Variants in GPRIN3 observed in about 807,000 individuals in gnomAD.
GPRIN3 encodes G protein-regulated inducer of neurite outgrowth 3.
GPRIN3 carries 12 observed loss-of-function variants against 13.7 expected under a neutral mutation model. That is an observed-to-expected ratio of 0.87 (90% CI 0.56 to 1.42). The LOEUF is 1.42. Among genes scored for constraint, GPRIN3 ranks in the 40% most tolerant of loss-of-function variants. The pLI is 0.00. For missense variants in GPRIN3, 1,009 were observed against 958.7 expected (o/e 1.05, Z -0.69); for synonymous variants, 377 against 372.7 (o/e 1.01, Z -0.13).
At chr4:89,267,798 A>G (rs1458574915) in intron 1 of GPRIN3, among the ~76,000 whole-genome samples, 1 of 152,200 alleles carries the variant, frequency 6.6e-6, no homozygotes, top group Non-Finnish European at 1.5e-5. Flanking sequence ...AGGAGGGAGG[A>G]CATTAGAGAA....
chr4:89,285,232 A>G (rs865857451), intron 1 of GPRIN3, among the ~76,000 whole-genome samples: 1 of 152,032 alleles, frequency 6.6e-6, no homozygotes, highest in Non-Finnish European at 1.5e-5. Flanking sequence ...GGGAGGGACA[A>G]CATTAGGAGA....
Position 89,249,036 on chromosome 4 carries a change from G to A in GPRIN3, c.1075C>T (p.Arg359Cys), listed in dbSNP as rs539048508. 3.0e-5 allele frequency: 48 copies of A among 1,614,156 alleles called. No homozygotes were observed. The highest frequency in any genetic ancestry group is 2.5e-4 in the South Asian group (23 of 91,084). Residue 359 changes from arginine (R) to cysteine (C), a missense_variant, in exon 2 of 2, where the codon CGT (arginine) becomes TGT (cysteine). Arg to Cys is a radical substitution (Grantham distance 180). Coordinates refer to ENST00000609438, the MANE Select transcript of GPRIN3 (RefSeq NM_198281.3). ...APEHFEQEQL[R>C]VICHSSGSHT... The stretch of plus-strand genomic sequence containing the variant: ...CTCCCACTGCTGTGGCAAATGACAC[G>A]CAGCTGCTCTTGTTCAAAATGCTCA...
At chr4:89,293,566 G>A (rs1724649563) in intron 1 of GPRIN3, among the ~76,000 whole-genome samples, 1 of 152,242 alleles carries the variant, frequency 6.6e-6, no homozygotes, top group Admixed American at 6.5e-5. Flanking sequence ...GCAGTGAAGA[G>A]TGCCAGTCCC....
chr4:89,256,293 G>A (rs1358862920), intron 1 of GPRIN3, among the ~76,000 whole-genome samples: 1 of 152,090 alleles, frequency 6.6e-6, no homozygotes, highest in Non-Finnish European at 1.5e-5. Context: ...CAATCCAGGG[G>A]CAGCCTAGAT....
At chr4:89,265,248 A>G (rs1423970173) in intron 1 of GPRIN3, among the ~76,000 whole-genome samples, 1 of 152,176 alleles carries the variant, frequency 6.6e-6, no homozygotes, top group Admixed American at 6.5e-5. Flanking sequence ...TTTAATATAA[A>G]GGGATATATA....
chr4:89,248,523 T>C lies in GPRIN3; in HGVS notation c.1588A>G (p.Thr530Ala), dbSNP rs769120919. The stretch of plus-strand genomic sequence containing the variant: ...TTTTCCCTTGCATCTCCTTTATTAG[T>C]GGGATCCAAGCTCCCAGAATGATCA... Reference protein sequence around the residue: ...KADHSGSLDPTNKGDAREKKP... With the variant: ...KADHSGSLDPANKGDAREKKP... Residue 530 changes from threonine (T) to alanine (A), a missense_variant, in exon 2 of 2, where the codon ACT (threonine) becomes GCT (alanine). Coordinates refer to ENST00000609438, the MANE Select transcript of GPRIN3 (RefSeq NM_198281.3). The C allele has an allele frequency of 6.2e-7, 1 of 1,613,264 alleles. No homozygotes were observed. Among genetic ancestry groups the C allele is most frequent in the African/African-American group, 1.3e-5 (1 of 74,882 alleles).
Position 89,285,660 on chromosome 4 carries a change from TTTTAC to T in GPRIN3, c.-124+21950_-124+21954del, listed in dbSNP as rs571140609. ...CTGTTCTGTCACCCAATTCACTTCT[TTTTAC>T]TTTTCCCAAATTTTACTATCTCCTT... is the stretch of plus-strand genomic sequence containing the variant. On this transcript the variant is annotated intron_variant, in intron 1 of 1. Coordinates refer to ENST00000609438, the MANE Select transcript of GPRIN3 (RefSeq NM_198281.3). Among the ~76,000 whole-genome samples, 11 of 152,352 alleles carry T rather than the reference TTTTAC, an allele frequency of 7.2e-5. No individual in the cohort carries two copies. The East Asian group carries it at 2.1e-3, about 29-fold the overall frequency.
At chr4:89,289,403 C>G (rs1444981857) in intron 1 of GPRIN3, among the ~76,000 whole-genome samples, 4 of 152,040 alleles carry the variant, frequency 2.6e-5, no homozygotes, top group Admixed American at 2.0e-4. Context: ...ATTTTGACAG[C>G]TTTTGTCCCT....
chr4:89,280,781 G>C (rs1457035577), intron 1 of GPRIN3, among the ~76,000 whole-genome samples: 1 of 152,198 alleles, frequency 6.6e-6, no homozygotes, highest in Non-Finnish European at 1.5e-5. Context: ...AGCAAGAAGG[G>C]AAGAAAGTCC....
chr4:89,261,948 C>T (rs1040771903), intron 1 of GPRIN3, among the ~76,000 whole-genome samples: 1 of 151,654 alleles, frequency 6.6e-6, no homozygotes, highest in Non-Finnish European at 1.5e-5. Context: ...CCCGTCTCTA[C>T]TAAAAATACA....
Position 89,296,651 on chromosome 4 carries a change from T to TTG in GPRIN3, c.-124+10962_-124+10963dup, listed in dbSNP as rs369210221. Among the ~76,000 whole-genome samples the TTG allele has an allele frequency of 4.4e-3, 674 of 151,838 alleles. 3 individuals are homozygous for TTG. Among genetic ancestry groups the TTG allele is most frequent in the Middle Eastern group, 0.027 (8 of 292 alleles). ...AAGACACATGTTTGTTTTTTCTTGT[T>TTG]TGTGTGTGTGTGTGTGCATATGTAT... On this transcript the variant is annotated intron_variant, in intron 1 of 1. Coordinates refer to ENST00000609438, the MANE Select transcript of GPRIN3 (RefSeq NM_198281.3).
rs1723185948 is a variant in GPRIN3, at chr4:89,248,522, G to C, written c.1589C>G (p.Thr530Ser). The change falls in exon 2 of 2, where the codon ACT (threonine) becomes AGT (serine). Residue 530 changes from threonine (T) to serine (S), a missense_variant. Coordinates refer to ENST00000609438, the MANE Select transcript of GPRIN3 (RefSeq NM_198281.3). Reference sequence around the variant, plus strand: ...CTTTTCCCTTGCATCTCCTTTATTAGTGGGATCCAAGCTCCCAGAATGATC... The same window carrying C: ...CTTTTCCCTTGCATCTCCTTTATTACTGGGATCCAAGCTCCCAGAATGATC... ...KADHSGSLDP[T>S]NKGDAREKKP... The C allele has an allele frequency of 6.2e-7, 1 of 1,613,236 alleles. No individual in the cohort carries two copies. Among genetic ancestry groups the C allele is most frequent in the African/African-American group, 1.3e-5 (1 of 74,860 alleles).
chr4:89,252,428 C>G (rs1216139556), intron 1 of GPRIN3, among the ~76,000 whole-genome samples: 1 of 152,188 alleles, frequency 6.6e-6, no homozygotes, highest in African/African-American at 2.4e-5. Flanking sequence ...CAAATTAACT[C>G]ACTGGCAAAA....
intron 1 of GPRIN3, among the ~76,000 whole-genome samples, chr4:89,266,865 G>GA (rs753253232): frequency 1.2e-4 from 19 of 152,116 alleles, no homozygotes; most frequent in Non-Finnish European, 2.5e-4. Context: ...TAAGTTGAAA[G>GA]AAAAACCTTA....
At position 89,245,992 on chromosome 4, in the gene GPRIN3, C is replaced by G. The variant is rs1723086838; in HGVS notation, c.*1788G>C. ...ACTCTCAGGCTCTGAGAATACTGTT[C>G]CATATATGCAAGCTTTGTCTACAGT... On this transcript the variant is annotated 3_prime_UTR_variant, in exon 2 of 2. Transcript: ENST00000609438. The G allele has an allele frequency of 1.3e-5, 2 of 152,156 alleles. No homozygotes were observed. Among genetic ancestry groups the G allele is most frequent in the African/African-American group, 4.8e-5 (2 of 41,422 alleles). 9.4% of individuals were successfully genotyped at this position (152,156 alleles called of 1,614,324 possible).
intron 1 of GPRIN3, among the ~76,000 whole-genome samples, chr4:89,263,713 T>C (rs1269420340): frequency 6.6e-6 from 1 of 152,188 alleles, no homozygotes; most frequent in Non-Finnish European, 1.5e-5. Context: ...ATTCTGTGTG[T>C]TATTTACGTA....
In GPRIN3 at chr4:89,248,356, A is replaced by G. The variant is rs1471009186; in HGVS notation, c.1755T>C (p.Ile585=). The stretch of plus-strand genomic sequence containing the variant: ...CTAAGGTGCTCTCCTGGTTCTTCCT[A>G]ATTGGGGAGGGTGTAGGATTAGCAG... ...ESAANPTPSP[I]RKNQESTLEE... The change falls in exon 2 of 2, where the codon ATT becomes ATC. Residue 585 remains isoleucine, a synonymous_variant. Coordinates refer to ENST00000609438, the MANE Select transcript of GPRIN3 (RefSeq NM_198281.3). 1.2e-6 allele frequency: 2 copies of G among 1,613,818 alleles called. No homozygotes were observed. Among genetic ancestry groups the G allele is most frequent in the Non-Finnish European group, 1.7e-6 (2 of 1,180,012 alleles).
At chr4:89,262,565 C>G (rs1274795172) in intron 1 of GPRIN3, among the ~76,000 whole-genome samples, 1 of 152,204 alleles carries the variant, frequency 6.6e-6, no homozygotes, top group Admixed American at 6.5e-5. Context: ...TACGCTTCAA[C>G]ACCCTTTCCA....
At chr4:89,298,689 C>A (rs942420096) in intron 1 of GPRIN3, among the ~76,000 whole-genome samples, 1 of 151,226 alleles carries the variant, frequency 6.6e-6, no homozygotes, top group Non-Finnish European at 1.5e-5. Flanking sequence ...ATATATATAT[C>A]TCAAGTGCTC....
Sources: allele counts gnomAD v4.1 joint callset (sites outside exome capture counted in the v4.1 genomes callset), GRCh38; gene constraint gnomAD v4.1.1; transcripts MANE v1.5; gene names NCBI Gene and HGNC (gene_info 2026-07-23, HGNC 2026-07-21).